The following MCUB variants were observed in gnomAD, a reference collection of about 807,000 sequenced individuals.
MCUB encodes calcium uniporter regulatory subunit MCUb, mitochondrial.
In MCUB, 46 loss-of-function variants were observed where a neutral mutation model predicts 41.4. The observed-to-expected ratio is 1.11, with a 90% CI of 0.88 to 1.42. MCUB has a LOEUF of 1.42. MCUB is among the 40% of genes most tolerant of loss of function. MCUB has a pLI of 0.00. For missense variants in MCUB, 403 were observed against 404.9 expected (o/e 1.00, Z 0.04); for synonymous variants, 148 against 148.2 (o/e 1.00, Z 0.01).
chr4:109,587,124 T>A (rs1314400928), intron 1 of MCUB, among the ~76,000 whole-genome samples: 3 of 152,212 alleles, frequency 2.0e-5, no homozygotes, highest in African/African-American at 7.2e-5. Context: ...CAGTTTGAGA[T>A]TCCTGGGCTG....
chr4:109,573,997 C>G (rs141055044), intron 1 of MCUB, among the ~76,000 whole-genome samples: 2,449 of 151,102 alleles, frequency 0.016, 70 homozygotes, highest in African/African-American at 0.056. Flanking sequence ...CTCAGCCTCC[C>G]AAGAAGCTAG....
rs186562296 is a variant in MCUB at position 109,574,521 on chromosome 4, C to G, written c.99+14085C>G. On this transcript the variant is annotated intron_variant, in intron 1 of 7. Coordinates refer to ENST00000394650, the MANE Select transcript of MCUB (RefSeq NM_017918.5). ...AGCCTGTGAAGTGAACACACCCGAA[C>G]CAGGAAGCAAAATCTTTTCCTCCGT... Among the ~76,000 whole-genome samples the G allele has an allele frequency of 3.9e-5, 6 of 152,270 alleles. No homozygotes were observed. In the East Asian group the frequency reaches 9.6e-4, roughly 24 times the overall value.
intron 1 of MCUB, among the ~76,000 whole-genome samples, chr4:109,580,148 C>T (rs969824236): frequency 1.3e-5 from 2 of 152,138 alleles, no homozygotes; most frequent in Non-Finnish European, 2.9e-5. Context: ...TCTGTCCTTG[C>T]AATAGTTTGC....
At chr4:109,680,883 A>G (rs1362767854) in intron 4 of MCUB, among the ~76,000 whole-genome samples, 2 of 152,312 alleles carry the variant, frequency 1.3e-5, no homozygotes, top group South Asian at 2.1e-4. Flanking sequence ...ATAATGAACA[A>G]TTACAGCTCT....
At chr4:109,612,594 C>A (rs1288930152) in intron 1 of MCUB, among the ~76,000 whole-genome samples, 2 of 152,058 alleles carry the variant, frequency 1.3e-5, no homozygotes, top group African/African-American at 4.8e-5. Flanking sequence ...CTAATCTTAT[C>A]ATGGGTGCTC....
At chr4:109,577,248 C>A (rs1727052305) in intron 1 of MCUB, among the ~76,000 whole-genome samples, 1 of 152,184 alleles carries the variant, frequency 6.6e-6, no homozygotes. Flanking sequence ...ACTTCAGGTG[C>A]TTTATTCAAT....
intron 1 of MCUB, among the ~76,000 whole-genome samples, chr4:109,589,097 G>A (rs190678800): frequency 1.3e-5 from 2 of 152,290 alleles, no homozygotes; most frequent in Non-Finnish European, 2.9e-5. Flanking sequence ...AACTATGTTG[G>A]CATCCTTCTG....
chr4:109,671,820 A>G (rs1450829783), intron 4 of MCUB, among the ~76,000 whole-genome samples: 2 of 152,142 alleles, frequency 1.3e-5, no homozygotes, highest in East Asian at 1.9e-4. Context: ...GACATGATGT[A>G]TCAGGCAATA....
chr4:109,643,825 T>G (rs1390107040), intron 1 of MCUB, among the ~76,000 whole-genome samples: 1 of 152,218 alleles, frequency 6.6e-6, no homozygotes, highest in Non-Finnish European at 1.5e-5. Flanking sequence ...TGATGCTTGT[T>G]TTTAAGCCAT....
chr4:109,628,038 G>A (rs1160818363), intron 1 of MCUB, among the ~76,000 whole-genome samples: 1 of 152,198 alleles, frequency 6.6e-6, no homozygotes, highest in Non-Finnish European at 1.5e-5. Flanking sequence ...TTAGGAAGAT[G>A]TTAGAACAGG....
chr4:109,678,343 T>G (rs1729620711), intron 4 of MCUB, among the ~76,000 whole-genome samples: 2 of 152,188 alleles, frequency 1.3e-5, no homozygotes, highest in Non-Finnish European at 2.9e-5. Context: ...TCGGAGCTGT[T>G]GGGTACACCT....
intron 1 of MCUB, among the ~76,000 whole-genome samples, chr4:109,561,385 C>G (rs896888963): frequency 1.3e-5 from 2 of 152,192 alleles, no homozygotes; most frequent in African/African-American, 2.4e-5. Context: ...TCCTTCCCCC[C>G]CTTTTCCTCC....
intron 1 of MCUB, among the ~76,000 whole-genome samples, chr4:109,575,049 G>A (rs1275670419): frequency 2.6e-5 from 4 of 152,194 alleles, no homozygotes; most frequent in African/African-American, 7.2e-5. Flanking sequence ...CAGGGCTGCC[G>A]CAGGTCAGAA....
chr4:109,622,034 A>C (rs2126135895), intron 1 of MCUB, among the ~76,000 whole-genome samples: 1 of 152,222 alleles, frequency 6.6e-6, no homozygotes, highest in Non-Finnish European at 1.5e-5. Context: ...GGCACCCGCC[A>C]CCATGCCCAG....
intron 1 of MCUB, among the ~76,000 whole-genome samples, chr4:109,624,964 C>A (rs539735944): frequency 6.6e-6 from 1 of 151,976 alleles, no homozygotes; most frequent in Non-Finnish European, 1.5e-5. Flanking sequence ...ACATGGTGAA[C>A]CCCCGCCTCT....
In MCUB at chr4:109,610,778, TC is replaced by T. The variant is rs549208089; in HGVS notation, c.100-48231del. 1.6e-4 allele frequency among the ~76,000 whole-genome samples: 25 copies of T among 152,322 alleles called. No individual in the cohort carries two copies. The South Asian group carries it at 4.8e-3, about 29-fold the overall frequency. ...TAGGCTATATTGTATAGCCTATTGT[TC>T]CTACACTACAAACCTATACAGTATC... On this transcript the variant is annotated intron_variant, in intron 1 of 7. Coordinates refer to ENST00000394650, the MANE Select transcript of MCUB (RefSeq NM_017918.5).
At chr4:109,570,509 A>C (rs6831048) in intron 1 of MCUB, among the ~76,000 whole-genome samples, 11,786 of 152,286 alleles carry the variant, frequency 0.077, 1,362 homozygotes, top group African/African-American at 0.25. Context: ...CTCTGTCCAA[A>C]CTACTCAACT....
At chr4:109,617,317 G>A (rs1041409165) in intron 1 of MCUB, among the ~76,000 whole-genome samples, 37 of 152,172 alleles carry the variant, frequency 2.4e-4, no homozygotes, top group African/African-American at 8.9e-4. Context: ...ATTGCAGAAT[G>A]TTTAGTGTCT....
intron 5 of MCUB, 68 bp downstream of exon 5, chr4:109,682,810 G>A: frequency 8.1e-7 from 1 of 1,240,542 alleles, no homozygotes; most frequent in Non-Finnish European, 1.1e-6. Context: ...CTCCTCATGT[G>A]AGCATTTTTC....
Sources: gnomAD v4.1 joint callset for allele counts (sites outside exome capture counted in the v4.1 genomes callset) on GRCh38, gnomAD v4.1.1 for gene constraint, MANE v1.5 for transcripts, NCBI Gene and HGNC (gene_info 2026-07-23, HGNC 2026-07-21) for gene names.